The following STAC variants were observed in gnomAD, a reference collection of about 807,000 sequenced individuals.
The protein encoded by STAC is SH3 and cysteine-rich domain-containing protein.
A neutral mutation model predicts 48.8 loss-of-function variants in STAC; 43 were observed. That is an observed-to-expected ratio of 0.88 (90% CI 0.69 to 1.14). The LOEUF (loss-of-function observed/expected upper bound fraction) is 1.14, where lower values mean the gene tolerates loss of function less well. Among genes scored for constraint, STAC ranks in the 50% most tolerant of loss-of-function variants. STAC has a pLI of 0.00. For synonymous variants in STAC, 193 were observed against 179.5 expected (o/e 1.07, Z -0.60); for missense variants, 497 against 504.0 (o/e 0.99, Z 0.13).
chr3:36,446,344 T>G (rs1240451353), intron 2 of STAC, among the ~76,000 whole-genome samples: 1 of 152,240 alleles, frequency 6.6e-6, no homozygotes, highest in African/African-American at 2.4e-5. Context: ...GCTTCAATGC[T>G]GAATGCCCCT....
chr3:36,516,009 G>A (rs1346529225), intron 8 of STAC, among the ~76,000 whole-genome samples: 2 of 93,772 alleles, frequency 2.1e-5, no homozygotes, highest in African/African-American at 8.5e-5. Flanking sequence ...TTGAGACAGA[G>A]TTTCACTCAT....
intron 1 of STAC, among the ~76,000 whole-genome samples, chr3:36,435,583 T>A (rs2125657619): frequency 6.6e-6 from 1 of 152,258 alleles, no homozygotes; most frequent in South Asian, 2.1e-4. Flanking sequence ...TTCACTAATC[T>A]TCTTTATAGC....
chr3:36,432,071 C>T (rs1356020536), intron 1 of STAC, among the ~76,000 whole-genome samples: 1 of 152,164 alleles, frequency 6.6e-6, no homozygotes, highest in Admixed American at 6.5e-5. Flanking sequence ...ACAGCGGCAT[C>T]CACATGCCTC....
intron 1 of STAC, among the ~76,000 whole-genome samples, chr3:36,398,320 C>CAAGA (rs71288102): frequency 0.085 from 6,982 of 81,826 alleles, 361 homozygotes; most frequent in Admixed American, 0.098. Flanking sequence ...AGAAAGAAAG[C>CAAGA]AAGAAAGAAA....
chr3:36,384,207 T>C (rs568708357), intron 1 of STAC, among the ~76,000 whole-genome samples: 32 of 152,322 alleles, frequency 2.1e-4, no homozygotes, highest in Admixed American at 2.6e-4. Flanking sequence ...ATTGACAACA[T>C]AGAAAGCTTG....
intron 10 of STAC, among the ~76,000 whole-genome samples, chr3:36,542,068 AAAGT>A (rs1276068262): frequency 6.6e-6 from 1 of 151,912 alleles, no homozygotes; most frequent in Non-Finnish European, 1.5e-5. Flanking sequence ...GGAAAGGAGG[AAAGT>A]CAAGGGTAGG....
At chr3:36,471,905 T>G (rs553401344) in intron 2 of STAC, among the ~76,000 whole-genome samples, 51 of 152,310 alleles carry the variant, frequency 3.3e-4, no homozygotes, top group African/African-American at 1.2e-3. Flanking sequence ...TCTGGAGTCT[T>G]GAGGATGGTG....
intron 7 of STAC, among the ~76,000 whole-genome samples, chr3:36,505,528 T>C (rs1698380927): frequency 6.6e-6 from 1 of 152,172 alleles, no homozygotes; most frequent in African/African-American, 2.4e-5. Flanking sequence ...GAGTTCCAAA[T>C]AATTGTTTTC....
intron 1 of STAC, among the ~76,000 whole-genome samples, chr3:36,427,676 C>T (rs535668614): frequency 2.6e-5 from 4 of 152,238 alleles, no homozygotes; most frequent in African/African-American, 9.6e-5. Context: ...TAACATGTGC[C>T]AGGCTCAGTT....
chr3:36,423,388 T>C (rs781558034), intron 1 of STAC, among the ~76,000 whole-genome samples: 28 of 151,744 alleles, frequency 1.8e-4, no homozygotes, highest in Non-Finnish European at 3.1e-4. Flanking sequence ...ATTATTCTGC[T>C]GCCTCCATTC....
intron 5 of STAC, among the ~76,000 whole-genome samples, chr3:36,488,877 A>G (rs1300173686): frequency 2.0e-5 from 3 of 152,096 alleles, no homozygotes; most frequent in Admixed American, 6.5e-5. Flanking sequence ...AAAATCCTCT[A>G]TTAAGTTGCT....
intron 1 of STAC, among the ~76,000 whole-genome samples, chr3:36,430,517 T>A (rs1700675047): frequency 6.6e-6 from 1 of 152,234 alleles, no homozygotes; most frequent in South Asian, 2.1e-4. Context: ...GTGGAGCATA[T>A]GCTAAATACA....
chr3:36,380,527 G>T lies in STAC; in HGVS notation c.-117G>T. The T allele has an allele frequency of 1.3e-6, 1 of 752,504 alleles. No individual in the cohort carries two copies. Among genetic ancestry groups the T allele is most frequent in the South Asian group, 1.7e-5 (1 of 58,820 alleles). 46.6% of individuals were successfully genotyped at this position (752,504 alleles called of 1,614,324 possible). ...GAGGAGGGCACGTCGGCGCCTCGGC[G>T]AGGATGGGAGTCCCCAGGACCCGGA... On this transcript the variant is annotated 5_prime_UTR_variant, in exon 1 of 11. Coordinates refer to ENST00000273183, the MANE Select transcript of STAC (RefSeq NM_003149.3).
chr3:36,412,535 CTG>C (rs1186628809), intron 1 of STAC, among the ~76,000 whole-genome samples: 2 of 152,120 alleles, frequency 1.3e-5, no homozygotes, highest in Non-Finnish European at 2.9e-5. Flanking sequence ...GAAAAAAAGA[CTG>C]AGAACTGCTT....
chr3:36,522,725 G>C (rs530811705), intron 8 of STAC, among the ~76,000 whole-genome samples: 1 of 152,180 alleles, frequency 6.6e-6, no homozygotes, highest in Non-Finnish European at 1.5e-5. Flanking sequence ...GAGGTCTCAG[G>C]TTGTCTCAGA....
intron 2 of STAC, among the ~76,000 whole-genome samples, chr3:36,467,938 A>T (rs928425542): frequency 6.6e-6 from 1 of 151,872 alleles, no homozygotes; most frequent in Admixed American, 6.6e-5. Flanking sequence ...GTGACCTCAG[A>T]TTGTCTATTT....
chr3:36,518,874 C>A (rs771471385), intron 8 of STAC, among the ~76,000 whole-genome samples: 1 of 152,196 alleles, frequency 6.6e-6, no homozygotes. Context: ...CTGGGAGAAC[C>A]ATTCACAGGC....
chr3:36,457,652 GAGA>G (rs771161349), intron 2 of STAC, among the ~76,000 whole-genome samples: 5 of 151,994 alleles, frequency 3.3e-5, no homozygotes, highest in Middle Eastern at 3.2e-3. Flanking sequence ...CAGAAAAGAG[GAGA>G]AGAAGACAGC....
At chr3:36,483,979 C>T (rs769547053) in intron 3 of STAC, among the ~76,000 whole-genome samples, 6 of 151,956 alleles carry the variant, frequency 3.9e-5, no homozygotes, top group African/African-American at 4.8e-5. Flanking sequence ...CAATCCAGAG[C>T]GCATTTGAGG....
Sources: gnomAD v4.1 joint callset for allele counts (sites outside exome capture counted in the v4.1 genomes callset) on GRCh38, gnomAD v4.1.1 for gene constraint, MANE v1.5 for transcripts, NCBI Gene and HGNC (gene_info 2026-07-23, HGNC 2026-07-21) for gene names.